ADPGK: variants seen among roughly 807,000 people sequenced by gnomAD.
ADPGK encodes ADP-dependent glucokinase.
ADPGK carries 26 observed loss-of-function variants against 42.4 expected under a neutral mutation model. The ratio of observed to expected loss-of-function variants is 0.61; its 90% CI spans 0.45 to 0.85. ADPGK has a LOEUF of 0.85. ADPGK is among the 40% of genes least tolerant of loss of function. The pLI is 0.00. For synonymous variants in ADPGK, 267 were observed against 252.6 expected, an observed-to-expected ratio of 1.06 and a Z score of -0.54; for missense variants, 571 against 627.0, an observed-to-expected ratio of 0.91 and a Z score of 0.95.
intron 3 of ADPGK, 92 bp from the exon 4 acceptor site, chr15:72,760,619 T>G: frequency 7.2e-7 from 1 of 1,393,974 alleles, no homozygotes; most frequent in East Asian, 2.5e-5. Context: ...TCAGGCTGAT[T>G]CTAATCATTT....
intron 6 of ADPGK, among the ~76,000 whole-genome samples, chr15:72,753,294 C>T (rs567489110): frequency 3.3e-5 from 5 of 152,266 alleles, no homozygotes; most frequent in African/African-American, 1.2e-4. Context: ...AAAATGGAGA[C>T]CTCAAGCAAC....
chr15:72,756,830 A>G (rs1404320700), intron 4 of ADPGK: 1 of 194,484 alleles, frequency 5.1e-6, no homozygotes, highest in Non-Finnish European at 1.1e-5. Flanking sequence ...ATAGGCTGTC[A>G]TTGTTTAAAG....
intron 4 of ADPGK, 23 bp downstream of exon 4, chr15:72,760,384 C>A (rs931027251): frequency 4.4e-6 from 7 of 1,577,842 alleles, no homozygotes; most frequent in Non-Finnish European, 6.1e-6. Flanking sequence ...GGTCTTGCCA[C>A]CATTACTTAC....
At chr15:72,763,703 A>G (rs2151079059) in intron 3 of ADPGK, among the ~76,000 whole-genome samples, 1 of 152,280 alleles carries the variant, frequency 6.6e-6, no homozygotes, top group South Asian at 2.1e-4. Flanking sequence ...ACCTCATTTT[A>G]TTGTGCTTCA....
At chr15:72,761,800 G>A (rs1180823654) in intron 3 of ADPGK, among the ~76,000 whole-genome samples, 1 of 151,462 alleles carries the variant, frequency 6.6e-6, no homozygotes, top group Non-Finnish European at 1.5e-5. Context: ...CCAGGCTCAA[G>A]CGACCCTCCT....
chr15:72,780,985 AG>A, intron 1 of ADPGK, among the ~76,000 whole-genome samples: 1 of 152,190 alleles, frequency 6.6e-6, no homozygotes. Flanking sequence ...CAGGATGTCA[AG>A]ATATTCCTCC....
At chr15:72,757,053 A>G (rs760011036) in intron 4 of ADPGK, 22 of 153,238 alleles carry the variant, frequency 1.4e-4, no homozygotes, top group Non-Finnish European at 3.0e-4. Flanking sequence ...TTAAAGACCC[A>G]AGTTCAAGTG....
intron 1 of ADPGK, among the ~76,000 whole-genome samples, chr15:72,778,001 C>T (rs1455723603): frequency 6.6e-6 from 1 of 152,088 alleles, no homozygotes; most frequent in Non-Finnish European, 1.5e-5. Context: ...GTAACCCCAG[C>T]ACTTTGGGAG....
At chr15:72,769,064 T>C (rs916478814) in intron 3 of ADPGK, among the ~76,000 whole-genome samples, 12 of 152,132 alleles carry the variant, frequency 7.9e-5, no homozygotes, top group African/African-American at 2.9e-4. Context: ...CCACAGACAT[T>C]ACAAGAAAAG....
chr15:72,778,330 T>G (rs1001020360), intron 1 of ADPGK, among the ~76,000 whole-genome samples: 2 of 152,154 alleles, frequency 1.3e-5, no homozygotes, highest in Non-Finnish European at 2.9e-5. Flanking sequence ...TTATAATACT[T>G]TAACCAGAAT....
intron 6 of ADPGK, among the ~76,000 whole-genome samples, chr15:72,754,136 T>C (rs2066082739): frequency 6.7e-6 from 1 of 149,560 alleles, no homozygotes; most frequent in African/African-American, 2.5e-5. Context: ...CAGCCCTCCA[T>C]ATCCATGGCT....
At chr15:72,779,434 G>A (rs2066430284) in intron 1 of ADPGK, among the ~76,000 whole-genome samples, 1 of 151,764 alleles carries the variant, frequency 6.6e-6, no homozygotes, top group African/African-American at 2.4e-5. Context: ...TAGTAGAGAT[G>A]GGGTTTCTCC....
intron 1 of ADPGK, 200 bp from the exon 2 acceptor site, chr15:72,775,297 AG>A (rs767773858): frequency 5.2e-6 from 3 of 578,344 alleles, no homozygotes; most frequent in Non-Finnish European, 9.2e-6. Context: ...ATCAGAACAC[AG>A]GACTCTTCAA....
rs376386825 is a variant in ADPGK at position 72,769,515 on chromosome 15, C to G, written c.522+2268G>C. On this transcript the variant is annotated intron_variant, in intron 3 of 6. Transcript: ENST00000456471. ...CGCCTGCCACCATGCCCAGCTAATT[C>G]TTTGTATTTTTAGCTAAGACAGGGT... Among the ~76,000 whole-genome samples the G allele has an allele frequency of 7.9e-5, 12 of 152,204 alleles. No homozygotes were observed. The East Asian group carries it at 1.9e-3, about 25-fold the overall frequency.
At chr15:72,775,431 T>C (rs1246325723) in intron 1 of ADPGK, among the ~76,000 whole-genome samples, 1 of 152,216 alleles carries the variant, frequency 6.6e-6, no homozygotes, top group Non-Finnish European at 1.5e-5. Context: ...CCAAACAGGA[T>C]TCATGCTGGC....
rs542541068 is a variant in ADPGK, at chr15:72,761,706, T to C, written c.523-1179A>G. ...TTATCAGCACTGCTTCATGATTTTT[T>C]TTTTTTTTTTGAGACAGAGTTTTGC... On this transcript the variant is annotated intron_variant, in intron 3 of 6. Coordinates refer to ENST00000456471, the MANE Select transcript of ADPGK (RefSeq NM_001365225.1). 4.2e-3 allele frequency among the ~76,000 whole-genome samples: 641 copies of C among 151,606 alleles called. 7 individuals carry two copies. Among genetic ancestry groups the C allele is most frequent in the African/African-American group, 0.015 (621 of 41,390 alleles).
chr15:72,778,830 T>A (rs1228865778), intron 1 of ADPGK, among the ~76,000 whole-genome samples: 1 of 152,238 alleles, frequency 6.6e-6, no homozygotes, highest in Non-Finnish European at 1.5e-5. Flanking sequence ...CAGTGGTCCC[T>A]GTGCTGAACC....
intron 5 of ADPGK, 161 bp from the exon 6 acceptor site, chr15:72,755,815 C>A: frequency 1.5e-6 from 1 of 651,588 alleles, no homozygotes; most frequent in South Asian, 1.7e-5. Context: ...CCTCTGTGGA[C>A]AAGGGACACT....
At chr15:72,774,808 TAG>T in intron 2 of ADPGK, 62 bp downstream of exon 2, 1 of 1,457,150 alleles carries the variant, frequency 6.9e-7, no homozygotes, top group Non-Finnish European at 9.4e-7. Context: ...TGCTTGCTTC[TAG>T]GAACCATATT....
Sources: gnomAD v4.1 joint callset for allele counts (sites outside exome capture counted in the v4.1 genomes callset) on GRCh38, gnomAD v4.1.1 for gene constraint, MANE v1.5 for transcripts, NCBI Gene and HGNC (gene_info 2026-07-23, HGNC 2026-07-21) for gene names.